Variants in CCDC158 observed in about 807,000 individuals in gnomAD.
The protein encoded by CCDC158 is coiled-coil domain containing 158, also known as coiled-coil domain-containing protein 158.
CCDC158 carries 116 observed loss-of-function variants against 138.6 expected under a neutral mutation model. That is an observed-to-expected ratio of 0.84 (90% CI 0.72 to 0.98). CCDC158 has a LOEUF of 0.98. Among genes scored for constraint, CCDC158 ranks in the 50% least tolerant of loss-of-function variants. The probability of loss-of-function intolerance (pLI) is 0.00; values close to 1 mark genes in which losing one functional copy is unlikely to be tolerated. For synonymous variants in CCDC158, 436 were observed against 442.4 expected (o/e 0.99, Z 0.18); for missense variants, 1,265 against 1,306.1 (o/e 0.97, Z 0.48).
intron 10 of CCDC158, among the ~76,000 whole-genome samples, chr4:76,370,468 T>G (rs544867296): frequency 1.5e-3 from 232 of 152,210 alleles, no homozygotes; most frequent in Non-Finnish European, 2.5e-3. Context: ...TCTGACTTTA[T>G]GGAGAAAGTA....
At chr4:76,402,535 T>C (rs1314557509) in intron 3 of CCDC158, among the ~76,000 whole-genome samples, 1 of 152,364 alleles carries the variant, frequency 6.6e-6, no homozygotes, top group East Asian at 1.9e-4. Flanking sequence ...CAGTTGGTAA[T>C]TTCTGTGTTG....
intron 11 of CCDC158, 65 bp from the exon 12 acceptor site, chr4:76,367,841 T>A: frequency 6.9e-7 from 1 of 1,452,844 alleles, no homozygotes; most frequent in Non-Finnish European, 9.2e-7. Context: ...CCTCAAGAGA[T>A]ACAAGTTAAC....
intron 1 of CCDC158, among the ~76,000 whole-genome samples, chr4:76,415,198 A>C (rs186400782): frequency 3.9e-4 from 59 of 152,296 alleles, no homozygotes; most frequent in Admixed American, 3.8e-3. Flanking sequence ...GTCTGGTAGC[A>C]TTTTGCCCCT....
At chr4:76,390,468 A>T (rs1340499168) in intron 4 of CCDC158, among the ~76,000 whole-genome samples, 4 of 152,050 alleles carry the variant, frequency 2.6e-5, no homozygotes, top group Non-Finnish European at 5.9e-5. Context: ...TATAAAACCA[A>T]CTGCTAAATT....
intron 12 of CCDC158, among the ~76,000 whole-genome samples, chr4:76,366,001 A>C (rs926758655): frequency 6.6e-6 from 1 of 152,240 alleles, no homozygotes; most frequent in Non-Finnish European, 1.5e-5. Flanking sequence ...GGATAATAAT[A>C]GTGCCTCCCT....
At chr4:76,417,563 G>A (rs562616088) in intron 1 of CCDC158, among the ~76,000 whole-genome samples, 2 of 151,906 alleles carry the variant, frequency 1.3e-5, no homozygotes, top group Non-Finnish European at 2.9e-5. Context: ...GACCCAGGGG[G>A]AGGTAATTTT....
intron 9 of CCDC158, among the ~76,000 whole-genome samples, chr4:76,372,911 C>T (rs763783554): frequency 2.0e-5 from 3 of 152,064 alleles, no homozygotes; most frequent in African/African-American, 4.8e-5. Context: ...TGCAATGGCA[C>T]GATCTCGGCT....
intron 1 of CCDC158, among the ~76,000 whole-genome samples, chr4:76,417,211 A>G (rs1179519135): frequency 6.6e-6 from 1 of 151,952 alleles, no homozygotes; most frequent in Non-Finnish European, 1.5e-5. Context: ...GGGCCCTGTA[A>G]CTCCTTTGTT....
At chr4:76,328,250 T>C (rs966229804) in intron 22 of CCDC158, among the ~76,000 whole-genome samples, 1 of 152,202 alleles carries the variant, frequency 6.6e-6, no homozygotes, top group Admixed American at 6.5e-5. Flanking sequence ...GTCTATTCAA[T>C]AAATATTTAT....
chr4:76,325,478 C>A (rs560213646), intron 23 of CCDC158, among the ~76,000 whole-genome samples: 1 of 152,034 alleles, frequency 6.6e-6, no homozygotes, highest in Non-Finnish European at 1.5e-5. Flanking sequence ...AAAGTTTGTA[C>A]GGTATGCACT....
chr4:76,322,145 TA>T (rs1049579121), intron 24 of CCDC158, among the ~76,000 whole-genome samples: 7 of 150,972 alleles, frequency 4.6e-5, no homozygotes, highest in African/African-American at 1.5e-4. Context: ...TATTGAAATT[TA>T]AAAAAAAATG....
chr4:76,340,394 A>G (rs1382677185), intron 18 of CCDC158, among the ~76,000 whole-genome samples: 1 of 152,242 alleles, frequency 6.6e-6, no homozygotes, highest in Non-Finnish European at 1.5e-5. Context: ...AACCAGGTGC[A>G]CTGGCTTTGT....
intron 24 of CCDC158, among the ~76,000 whole-genome samples, chr4:76,318,479 G>T (rs1299623098): frequency 2.0e-5 from 3 of 152,016 alleles, no homozygotes; most frequent in African/African-American, 7.2e-5. Context: ...CAGAAACTCT[G>T]AAGAGACTAA....
chr4:76,382,324 T>C (rs945642015), intron 8 of CCDC158, among the ~76,000 whole-genome samples: 7 of 152,180 alleles, frequency 4.6e-5, no homozygotes, highest in Non-Finnish European at 5.9e-5. Flanking sequence ...TCTTCATAAA[T>C]TACCCAGTCT....
chr4:76,367,238 C>T (rs765585338), intron 12 of CCDC158, 56 bp downstream of exon 12: 14 of 1,562,164 alleles, frequency 9.0e-6, no homozygotes, highest in Non-Finnish European at 1.2e-5. Context: ...CAGTACAGGT[C>T]ATACCTGCTA....
chr4:76,383,785 G>C (rs28615783), intron 6 of CCDC158, 47 bp from the exon 7 acceptor site: 2 of 1,355,652 alleles, frequency 1.5e-6, no homozygotes, highest in South Asian at 1.2e-5. Context: ...TAAATATAAG[G>C]CTTGGAAAAT....
chr4:76,411,832 A>T (rs1203207889), intron 2 of CCDC158, among the ~76,000 whole-genome samples: 1 of 151,908 alleles, frequency 6.6e-6, no homozygotes, highest in Non-Finnish European at 1.5e-5. Context: ...AGCGCCACAC[A>T]CCCTCCTCTC....
chr4:76,365,742 G>A (rs7654450), intron 12 of CCDC158, among the ~76,000 whole-genome samples: 1 of 151,962 alleles, frequency 6.6e-6, no homozygotes, highest in Non-Finnish European at 1.5e-5. Flanking sequence ...AGGACCAGCA[G>A]TATCCACGTC....
rs75310867 is a variant in CCDC158 at position 76,336,706 on chromosome 4, T to C, written c.2665-2539A>G. 3.5e-4 allele frequency among the ~76,000 whole-genome samples: 53 copies of C among 152,324 alleles called. No individual in the cohort carries two copies. The East Asian group carries it at 9.6e-3, about 28-fold the overall frequency. ...CATAACCTTGTAAAAATGATACTTA[T>C]TTTATCCTACACTCATACACCCCCT... On this transcript the variant is annotated intron_variant, in intron 18 of 24. Transcript: ENST00000682701.
Sources: allele counts gnomAD v4.1 joint callset (sites outside exome capture counted in the v4.1 genomes callset), GRCh38; gene constraint gnomAD v4.1.1; transcripts MANE v1.5; gene names NCBI Gene and HGNC (gene_info 2026-07-23, HGNC 2026-07-21).